Variants in MYO16 observed in about 807,000 individuals in gnomAD.
MYO16 encodes the protein unconventional myosin-XVI.
In MYO16, 94 loss-of-function variants were observed where a neutral mutation model predicts 205.3. The ratio of observed to expected loss-of-function variants is 0.46; its 90% CI spans 0.39 to 0.54. The LOEUF is 0.54. MYO16 is among the 20% of genes least tolerant of loss of function. The probability of loss-of-function intolerance (pLI) is 0.00; values close to 1 mark genes in which losing one functional copy is unlikely to be tolerated. For missense variants in MYO16, 2,315 were observed against 2,387.5 expected (o/e 0.97, Z 0.63); for synonymous variants, 988 against 954.0 (o/e 1.04, Z -0.66).
intron 4 of MYO16, among the ~76,000 whole-genome samples, chr13:108,736,534 T>C (rs1463187741): frequency 1.3e-5 from 2 of 152,228 alleles, no homozygotes; most frequent in Non-Finnish European, 2.9e-5. Flanking sequence ...CATGCTGTTT[T>C]GGTTACTATA....
At chr13:109,149,646 C>T (rs61969363) in intron 32 of MYO16, among the ~76,000 whole-genome samples, 3,784 of 152,290 alleles carry the variant, frequency 0.025, 64 homozygotes, top group Non-Finnish European at 0.041. Flanking sequence ...ACAGATAAAA[C>T]TGTTTTGCCC....
chr13:108,788,832 A>G (rs1348402969), intron 5 of MYO16, among the ~76,000 whole-genome samples: 1 of 152,138 alleles, frequency 6.6e-6, no homozygotes, highest in Non-Finnish European at 1.5e-5. Flanking sequence ...CTCTCTTAGG[A>G]ACAGTCTCTC....
chr13:109,037,310 G>A (rs988080596), intron 23 of MYO16, among the ~76,000 whole-genome samples: 1 of 152,190 alleles, frequency 6.6e-6, no homozygotes, highest in African/African-American at 2.4e-5. Flanking sequence ...CAGGTGCTGC[G>A]TATAGATGCT....
At chr13:108,814,347 T>C (rs1213426780) in intron 7 of MYO16, among the ~76,000 whole-genome samples, 12 of 152,248 alleles carry the variant, frequency 7.9e-5, no homozygotes, top group Non-Finnish European at 1.5e-4. Flanking sequence ...GTTTTTCTTT[T>C]CTTTCTGAAT....
chr13:108,855,429 C>T lies in MYO16; in HGVS notation c.1249-14C>T, dbSNP rs374080960. 3.8e-4 allele frequency: 577 copies of T among 1,503,560 alleles called. 1 individual carries two copies. Among genetic ancestry groups the T allele is most frequent in the Middle Eastern group, 1.4e-3 (8 of 5,670 alleles). 93.1% of individuals were successfully genotyped at this position (1,503,560 alleles called of 1,614,324 possible). ...AAGCAATTAGAATTGATCATACTTT[C>T]GGTTCTTCCCCAGGTCAAGCTAATG... On this transcript the variant is annotated splice_polypyrimidine_tract_variant and intron_variant, in intron 10 of 34. Transcript: ENST00000457511.
chr13:108,858,216 T>C (rs1878288453), intron 11 of MYO16, among the ~76,000 whole-genome samples: 1 of 152,146 alleles, frequency 6.6e-6, no homozygotes, highest in Non-Finnish European at 1.5e-5. Context: ...TCTGTTGGAG[T>C]TAATAAGAAT....
rs1876578403 is a variant in MYO16, at chr13:109,132,309, G to T, written c.4051+4759G>T. Among the ~76,000 whole-genome samples the T allele has an allele frequency of 2.0e-5, 3 of 152,092 alleles. No individual in the cohort carries two copies. The South Asian group carries it at 6.2e-4, about 32-fold the overall frequency. ...CAGACTCCAGCTGTCCCCTCCTTGG[G>T]GATCATACCTTAATGAAACCATAAT... On this transcript the variant is annotated intron_variant, in intron 31 of 34. Transcript: ENST00000457511.
the MYO16 span, among the ~76,000 whole-genome samples, chr13:108,529,576 A>G: frequency 6.6e-6 from 1 of 152,198 alleles, no homozygotes; most frequent in Non-Finnish European, 1.5e-5. Context: ...GAAAAACATA[A>G]TCAGAGGCAG....
At chr13:108,598,640 T>G (rs1022636175) in intron 1 of MYO16, among the ~76,000 whole-genome samples, 1 of 152,134 alleles carries the variant, frequency 6.6e-6, no homozygotes, top group African/African-American at 2.4e-5. Context: ...AATGGTGAAA[T>G]AGGCAGGAAT....
intron 27 of MYO16, among the ~76,000 whole-genome samples, chr13:109,071,681 A>G (rs966197935): frequency 2.0e-5 from 3 of 152,216 alleles, no homozygotes; most frequent in Non-Finnish European, 4.4e-5. Flanking sequence ...ATTATTTAAC[A>G]ATAGAGTAAA....
At chr13:108,770,423 C>G (rs1395327204) in intron 4 of MYO16, among the ~76,000 whole-genome samples, 2 of 152,076 alleles carry the variant, frequency 1.3e-5, no homozygotes, top group Non-Finnish European at 2.9e-5. Flanking sequence ...TCTAAACTTT[C>G]TGTAAAATAT....
the MYO16 span, among the ~76,000 whole-genome samples, chr13:108,575,636 C>T: frequency 2.0e-5 from 3 of 152,160 alleles, no homozygotes; most frequent in South Asian, 2.1e-4. Context: ...CTGCCAATAC[C>T]GCCCTATGTC....
At chr13:108,986,589 T>A (rs7337091) in intron 20 of MYO16, among the ~76,000 whole-genome samples, 7,062 of 125,512 alleles carry the variant, frequency 0.056, 187 homozygotes, top group Middle Eastern at 0.12. Flanking sequence ...GCTATTGCAC[T>A]CCAGCCTGGG....
chr13:108,861,583 C>A (rs2139115119), intron 11 of MYO16, among the ~76,000 whole-genome samples: 1 of 152,252 alleles, frequency 6.6e-6, no homozygotes, highest in East Asian at 1.9e-4. Context: ...GTAGATACAA[C>A]CCAATTGCTT....
chr13:108,856,684 T>A (rs2475845), intron 11 of MYO16, among the ~76,000 whole-genome samples: 41,536 of 151,856 alleles, frequency 0.27, 5,965 homozygotes, highest in East Asian at 0.43. Context: ...CATTGCCTAA[T>A]TTCTTTTGTC....
chr13:108,563,222 G>T, the MYO16 span, among the ~76,000 whole-genome samples: 2 of 152,098 alleles, frequency 1.3e-5, no homozygotes, highest in African/African-American at 4.8e-5. Flanking sequence ...TGGGTACATA[G>T]TAGGTGTGTC....
chr13:108,993,616 A>G (rs1483412880), intron 21 of MYO16, among the ~76,000 whole-genome samples: 1 of 152,214 alleles, frequency 6.6e-6, no homozygotes, highest in Non-Finnish European at 1.5e-5. Flanking sequence ...AACTAGAACT[A>G]TAGAGGCAAT....
chr13:108,817,360 T>C (rs779209630), intron 7 of MYO16, among the ~76,000 whole-genome samples: 89 of 152,158 alleles, frequency 5.8e-4, no homozygotes, highest in Middle Eastern at 3.4e-3. Context: ...AGAGAAAGTG[T>C]CAATGCATGC....
At chr13:108,943,670 C>T (rs867442335) in intron 16 of MYO16, among the ~76,000 whole-genome samples, 9 of 151,908 alleles carry the variant, frequency 5.9e-5, no homozygotes, top group African/African-American at 2.2e-4. Context: ...AGGCTGGTCT[C>T]GAACTCCTGA....
Sources: gnomAD v4.1 joint callset for allele counts (sites outside exome capture counted in the v4.1 genomes callset) on GRCh38, gnomAD v4.1.1 for gene constraint, MANE v1.5 for transcripts, NCBI Gene and HGNC (gene_info 2026-07-23, HGNC 2026-07-21) for gene names.